The following CLSTN2 variants were observed in gnomAD, a reference collection of about 807,000 sequenced individuals.
CLSTN2 encodes calsyntenin-2.
CLSTN2 carries 48 observed loss-of-function variants against 101.2 expected under a neutral mutation model. The ratio of observed to expected loss-of-function variants is 0.47; its 90% CI spans 0.38 to 0.60. CLSTN2 has a LOEUF of 0.60. CLSTN2 is among the 20% of genes least tolerant of loss of function. The probability of loss-of-function intolerance (pLI) is 0.00; values close to 1 mark genes in which losing one functional copy is unlikely to be tolerated. For missense variants in CLSTN2, 1,160 were observed against 1,238.2 expected (o/e 0.94, Z 0.95); for synonymous variants, 481 against 463.6 (o/e 1.04, Z -0.48).
chr3:140,349,258 C>T (rs957928468), intron 2 of CLSTN2, among the ~76,000 whole-genome samples: 4 of 152,128 alleles, frequency 2.6e-5, no homozygotes, highest in Admixed American at 6.5e-5. Context: ...AAACCTTTTT[C>T]GTTTATAAAT....
At chr3:140,530,274 T>C (rs1429941526) in intron 8 of CLSTN2, among the ~76,000 whole-genome samples, 1 of 152,212 alleles carries the variant, frequency 6.6e-6, no homozygotes, top group African/African-American at 2.4e-5. Context: ...ATGCAAACTC[T>C]CAAATTCTTA....
chr3:140,503,685 C>G (rs141671367), intron 8 of CLSTN2, among the ~76,000 whole-genome samples: 220 of 152,292 alleles, frequency 1.4e-3, no homozygotes, highest in African/African-American at 5.2e-3. Flanking sequence ...AATGAGCCAG[C>G]TCTCCAGGAT....
chr3:139,985,082 C>G (rs1398877002), intron 1 of CLSTN2, among the ~76,000 whole-genome samples: 1 of 152,210 alleles, frequency 6.6e-6, no homozygotes, highest in African/African-American at 2.4e-5. Context: ...TGCTGCCTGT[C>G]AGGATCTCCT....
intron 8 of CLSTN2, among the ~76,000 whole-genome samples, chr3:140,498,069 A>C (rs1246004762): frequency 6.6e-6 from 1 of 152,134 alleles, no homozygotes; most frequent in Non-Finnish European, 1.5e-5. Flanking sequence ...TGCTGAATTC[A>C]CTTGCTGTTT....
At position 139,935,490 on chromosome 3, in the gene CLSTN2, G is replaced by A; in HGVS notation, c.109+7G>A. On this transcript the variant is annotated splice_region_variant and intron_variant, in intron 1 of 16. Coordinates refer to ENST00000458420, the MANE Select transcript of CLSTN2 (RefSeq NM_022131.3). This position sits in a 1 kb window ranked among gnomAD's most constrained non-coding sequence, Gnocchi z 5.5. ...CGCCTCCTCGCGGCTAAAGGTGGGT[G>A]CTGGGGAAGTTTGCTCTTCTCCCAG... 8.2e-7 allele frequency: 1 copy of A among 1,219,102 alleles called. No individual in the cohort carries two copies. Among genetic ancestry groups the A allele is most frequent in the Admixed American group, 4.2e-5 (1 of 23,672 alleles). 75.5% of individuals were successfully genotyped at this position (1,219,102 alleles called of 1,614,324 possible).
intron 2 of CLSTN2, among the ~76,000 whole-genome samples, chr3:140,393,081 G>C (rs557165783): frequency 1.3e-5 from 2 of 152,034 alleles, no homozygotes; most frequent in African/African-American, 2.4e-5. Context: ...GAGCCCTCCC[G>C]ACCCAATCAC....
chr3:140,134,957 G>A (rs73868740), intron 1 of CLSTN2, among the ~76,000 whole-genome samples: 2,258 of 151,072 alleles, frequency 0.015, 66 homozygotes, highest in African/African-American at 0.053. Flanking sequence ...TTAGAATATA[G>A]AGCACATGGA....
intron 2 of CLSTN2, among the ~76,000 whole-genome samples, chr3:140,221,546 C>T (rs2086273423): frequency 6.6e-6 from 1 of 151,948 alleles, no homozygotes; most frequent in African/African-American, 2.4e-5. Context: ...TGAAGAGAGC[C>T]CACAGAATGG....
chr3:140,367,873 C>G (rs1277143819), intron 2 of CLSTN2, among the ~76,000 whole-genome samples: 1 of 152,170 alleles, frequency 6.6e-6, no homozygotes, highest in Non-Finnish European at 1.5e-5. Context: ...AGTTTCAGTT[C>G]TCAGCTTGAG....
chr3:140,001,503 G>C (rs1022650467), intron 1 of CLSTN2, among the ~76,000 whole-genome samples: 1 of 151,418 alleles, frequency 6.6e-6, no homozygotes, highest in South Asian at 2.1e-4. Flanking sequence ...TACATAGTAG[G>C]TGTATGTATT....
chr3:140,273,019 GACAA>G (rs1375823165), intron 2 of CLSTN2, among the ~76,000 whole-genome samples: 1 of 152,124 alleles, frequency 6.6e-6, no homozygotes, highest in Non-Finnish European at 1.5e-5. Context: ...TTCAGAGTCA[GACAA>G]AGAAGCACCC....
chr3:140,233,324 T>A (rs969582653), intron 2 of CLSTN2, among the ~76,000 whole-genome samples: 2 of 152,190 alleles, frequency 1.3e-5, no homozygotes, highest in African/African-American at 4.8e-5. Flanking sequence ...GCTGACCTTC[T>A]TTCTGTAAGC....
At chr3:140,366,203 C>T (rs1015260994) in intron 2 of CLSTN2, among the ~76,000 whole-genome samples, 4 of 152,192 alleles carry the variant, frequency 2.6e-5, no homozygotes, top group East Asian at 1.9e-4. Flanking sequence ...CCCTCACCTC[C>T]CCTCCCCTCC....
chr3:140,062,787 A>ATCTC (rs2008229266), intron 1 of CLSTN2, among the ~76,000 whole-genome samples: 1 of 152,088 alleles, frequency 6.6e-6, no homozygotes, highest in African/African-American at 2.4e-5. Flanking sequence ...AGTGAATCAC[A>ATCTC]TCTCTCCTCT....
chr3:140,556,871 C>T, intron 11 of CLSTN2: 3 of 556,520 alleles, frequency 5.4e-6, no homozygotes, highest in South Asian at 2.2e-5. Flanking sequence ...ACCTTGAATC[C>T]ACCTTTCTCT....
At chr3:140,473,461 A>G (rs1043152677) in intron 8 of CLSTN2, among the ~76,000 whole-genome samples, 5 of 152,284 alleles carry the variant, frequency 3.3e-5, no homozygotes, top group African/African-American at 7.2e-5. Context: ...GATTATTCTT[A>G]TGGGCGCAAT....
chr3:140,547,239 G>A (rs1033957006), intron 10 of CLSTN2, among the ~76,000 whole-genome samples: 4 of 152,176 alleles, frequency 2.6e-5, no homozygotes, highest in Non-Finnish European at 5.9e-5. Context: ...ACTTTGGGAG[G>A]CTGAGGCAGG....
At chr3:140,459,112 A>C (rs1559875690) in intron 6 of CLSTN2, among the ~76,000 whole-genome samples, 1 of 152,186 alleles carries the variant, frequency 6.6e-6, no homozygotes, top group African/African-American at 2.4e-5. Flanking sequence ...GGGTCTTGGC[A>C]CATGGTTAGT....
At chr3:139,975,083 G>A (rs1195829977) in intron 1 of CLSTN2, among the ~76,000 whole-genome samples, 4 of 152,228 alleles carry the variant, frequency 2.6e-5, no homozygotes, top group Non-Finnish European at 5.9e-5. Context: ...GAGACTCTGA[G>A]TGAGAAAGTG....
Sources: allele counts gnomAD v4.1 joint callset (sites outside exome capture counted in the v4.1 genomes callset), GRCh38; gene constraint gnomAD v4.1.1; non-coding constraint Gnocchi (gnomAD v3.1); transcripts MANE v1.5; gene names NCBI Gene and HGNC (gene_info 2026-07-23, HGNC 2026-07-21).